STXBP6: variants seen among roughly 807,000 people sequenced by gnomAD.
STXBP6 encodes syntaxin-binding protein 6.
A neutral mutation model predicts 26.9 loss-of-function variants in STXBP6; 21 were observed. The ratio of observed to expected loss-of-function variants is 0.78; its 90% confidence interval spans 0.55 to 1.12. The LOEUF is 1.12. Among genes scored for constraint, STXBP6 ranks in the 50% most tolerant of loss-of-function variants. STXBP6 has a pLI of 0.00. For synonymous variants in STXBP6, 97 were observed against 92.6 expected (o/e 1.05, Z -0.27); for missense variants, 232 against 257.9 (o/e 0.90, Z 0.69).
At chr14:24,940,677 C>A (rs943772604) in intron 2 of STXBP6, among the ~76,000 whole-genome samples, 1 of 152,118 alleles carries the variant, frequency 6.6e-6, no homozygotes, top group Non-Finnish European at 1.5e-5. Context: ...ACGGCAACTT[C>A]CCCCACTCTA....
intron 1 of STXBP6, among the ~76,000 whole-genome samples, chr14:25,011,688 G>A (rs961360323): frequency 4.6e-5 from 7 of 152,108 alleles, no homozygotes; most frequent in African/African-American, 1.2e-4. Context: ...GAGAGTCCCA[G>A]GCTTAAGGCA....
intron 4 of STXBP6, among the ~76,000 whole-genome samples, chr14:24,829,135 G>A (rs1003381219): frequency 2.0e-5 from 3 of 152,042 alleles, no homozygotes; most frequent in African/African-American, 7.2e-5. Context: ...ATGAAAATAA[G>A]CACTTTGATT....
At chr14:24,861,664 T>C (rs2069541969) in intron 2 of STXBP6, among the ~76,000 whole-genome samples, 1 of 152,116 alleles carries the variant, frequency 6.6e-6, no homozygotes, top group South Asian at 2.1e-4. Flanking sequence ...TCTAGGTTGT[T>C]ACCTTAAATG....
chr14:25,042,708 A>C (rs1345797274), intron 1 of STXBP6, among the ~76,000 whole-genome samples: 1 of 152,202 alleles, frequency 6.6e-6, no homozygotes, highest in African/African-American at 2.4e-5. Context: ...CATCTGCATC[A>C]GGGAGAGCTT....
intron 2 of STXBP6, among the ~76,000 whole-genome samples, chr14:24,887,205 C>A (rs1471358071): frequency 6.6e-6 from 1 of 152,138 alleles, no homozygotes; most frequent in Non-Finnish European, 1.5e-5. Context: ...TTCATTATGA[C>A]TTTTATAAAA....
intron 2 of STXBP6, among the ~76,000 whole-genome samples, chr14:24,966,870 G>A (rs553187981): frequency 1.3e-5 from 2 of 152,280 alleles, no homozygotes; most frequent in East Asian, 3.9e-4. Flanking sequence ...TAACACCCCA[G>A]TTGTTGGTAT....
intron 2 of STXBP6, among the ~76,000 whole-genome samples, chr14:24,904,583 ATAT>A (rs1449870434): frequency 3.3e-5 from 5 of 152,184 alleles, no homozygotes; most frequent in African/African-American, 9.7e-5. Flanking sequence ...TAAAAAGGTA[ATAT>A]TAATTGAGGT....
At position 24,857,146 on chromosome 14, in the gene STXBP6, TC is replaced by T. The variant is rs1283357325; in HGVS notation, c.165del (p.Lys56AsnfsTer57). The T allele has an allele frequency of 6.2e-7, 1 of 1,612,728 alleles. No individual in the cohort carries two copies. The highest frequency in any genetic ancestry group is 8.5e-7 in the Non-Finnish European group (1 of 1,179,150). On this transcript the variant is annotated frameshift_variant, in exon 3 of 6. Coordinates refer to ENST00000323944, the MANE Select transcript of STXBP6 (RefSeq NM_001394410.1). LOFTEE classifies it high-confidence loss of function. ...LTYICLSVTN[K>X]KPTQASITKV... ...TTTGTGATGGACGCCTGTGTGGGTT[TC>T]TTGTTTGTCACTGCCAAGAAAAGAT...
chr14:24,844,376 A>T (rs1434960030), intron 4 of STXBP6, among the ~76,000 whole-genome samples: 1 of 152,240 alleles, frequency 6.6e-6, no homozygotes, highest in East Asian at 1.9e-4. Context: ...GGAAGAGATC[A>T]TGGGAACCTC....
At chr14:24,974,889 A>G (rs1386648400) in intron 1 of STXBP6, 39 bp from the exon 2 acceptor site, 6 of 1,401,764 alleles carry the variant, frequency 4.3e-6, no homozygotes, top group Non-Finnish European at 5.8e-6. Context: ...TGGAATTGAC[A>G]ACATTGTAAG....
chr14:24,939,191 C>T (rs2072711045), intron 2 of STXBP6, among the ~76,000 whole-genome samples: 1 of 152,154 alleles, frequency 6.6e-6, no homozygotes, highest in Non-Finnish European at 1.5e-5. Flanking sequence ...TAAATCCCCT[C>T]CTAGTGCTCC....
chr14:24,908,081 T>C (rs1418773180), intron 2 of STXBP6, among the ~76,000 whole-genome samples: 1 of 152,212 alleles, frequency 6.6e-6, no homozygotes, highest in Admixed American at 6.5e-5. Flanking sequence ...CCTAACAGCA[T>C]CAATGATTTG....
chr14:24,936,010 C>G (rs989476379), intron 2 of STXBP6, among the ~76,000 whole-genome samples: 1 of 152,198 alleles, frequency 6.6e-6, no homozygotes, highest in African/African-American at 2.4e-5. Context: ...GCACATGTGA[C>G]TCTTCCTTGA....
chr14:24,933,619 ACACTTTCACCCTT>A (rs1193047357), intron 2 of STXBP6, among the ~76,000 whole-genome samples: 1 of 152,112 alleles, frequency 6.6e-6, no homozygotes, highest in Non-Finnish European at 1.5e-5. Context: ...TGCAGTCGAC[ACACTTTCACCCTT>A]GGGAACTGAG....
rs79012860 is a variant in STXBP6, at chr14:25,049,559, C to G, written c.-33+319G>C. ...GACGGTGCGGAAAAAAAGGCTCCAT[C>G]CTCAACTTTCTCGGAGGAAATCGCT... On this transcript the variant is annotated intron_variant, in intron 1 of 5. Coordinates refer to ENST00000323944, the MANE Select transcript of STXBP6 (RefSeq NM_001394410.1). The surrounding 1 kb of genome is among the most constrained non-coding windows in gnomAD (Gnocchi z 5.6). 369 of 985,476 alleles carry G rather than the reference C, an allele frequency of 3.7e-4. 3 individuals are homozygous for G. In the African/African-American group the frequency reaches 6.1e-3, roughly 16 times the overall value. The allele number at this position is 985,476 out of a possible 1,614,324, so 61.0% of individuals were successfully genotyped here.
chr14:24,943,541 T>C (rs1375237339), intron 2 of STXBP6, among the ~76,000 whole-genome samples: 1 of 152,248 alleles, frequency 6.6e-6, no homozygotes, highest in Admixed American at 6.5e-5. Context: ...ATGTTCCTTA[T>C]GAAATTTAGT....
Position 25,025,824 on chromosome 14 carries a change from T to C in STXBP6, c.-33+24054A>G, listed in dbSNP as rs1197176206. Among the ~76,000 whole-genome samples, 3 of 152,172 alleles carry C rather than the reference T, an allele frequency of 2.0e-5. No individual in the cohort carries two copies. The East Asian group carries it at 5.8e-4, about 29-fold the overall frequency. Reference sequence around the variant, plus strand: ...TGAAGTCAGAGGATTCTTTCTAAACTCTAAATTCAATCATTCCATTTCCAG... The same window carrying C: ...TGAAGTCAGAGGATTCTTTCTAAACCCTAAATTCAATCATTCCATTTCCAG... On this transcript the variant is annotated intron_variant, in intron 1 of 5. Coordinates refer to ENST00000323944, the MANE Select transcript of STXBP6 (RefSeq NM_001394410.1).
At chr14:24,978,373 T>A (rs2074103922) in intron 1 of STXBP6, among the ~76,000 whole-genome samples, 1 of 152,200 alleles carries the variant, frequency 6.6e-6, no homozygotes, top group Non-Finnish European at 1.5e-5. Context: ...GTGATGGGAA[T>A]GGAAAGGATG....
chr14:24,977,823 C>T (rs1160448375), intron 1 of STXBP6, among the ~76,000 whole-genome samples: 4 of 152,182 alleles, frequency 2.6e-5, no homozygotes, highest in Admixed American at 6.5e-5. Flanking sequence ...TACAAATCCT[C>T]ACCTTTCTCA....
Sources: gnomAD v4.1 joint callset for allele counts (sites outside exome capture counted in the v4.1 genomes callset) on GRCh38, gnomAD v4.1.1 for gene constraint, Gnocchi (gnomAD v3.1) non-coding constraint, MANE v1.5 for transcripts, NCBI Gene and HGNC (gene_info 2026-07-23, HGNC 2026-07-21) for gene names.